Variants in CRHR1 observed in about 807,000 individuals in gnomAD.
The protein encoded by CRHR1 is corticotropin releasing hormone receptor 1.
Under a neutral mutation model 56.0 loss-of-function variants are expected in CRHR1, and 28 were observed. The ratio of observed to expected loss-of-function variants is 0.50; its 90% CI spans 0.37 to 0.69. CRHR1 has a LOEUF of 0.69. Among genes scored for constraint, CRHR1 ranks in the 30% least tolerant of loss-of-function variants. The pLI is 0.00. For missense variants in CRHR1, 376 were observed against 548.0 expected (o/e 0.69, Z 3.13); for synonymous variants, 195 against 216.5 (o/e 0.90, Z 0.87).
chr17:45,786,127 C>CTT (rs66781068), intron 1 of CRHR1, among the ~76,000 whole-genome samples: 23,340 of 145,444 alleles, frequency 0.16, 2,210 homozygotes, highest in Middle Eastern at 0.23. Context: ...GTTTTCTTTT[C>CTT]TTTTTTTTTT....
intron 2 of CRHR1, among the ~76,000 whole-genome samples, chr17:45,809,270 G>T (rs530046462): frequency 2.6e-5 from 4 of 152,298 alleles, no homozygotes; most frequent in Admixed American, 2.6e-4. Flanking sequence ...GCTGTGCTTG[G>T]GGAATGGGGA....
chr17:45,829,754 T>C, intron 5 of CRHR1: 1 of 1,114,976 alleles, frequency 9.0e-7, no homozygotes, highest in Admixed American at 2.3e-5. Flanking sequence ...GGAGCAGGGC[T>C]GACCCCTGTG....
intron 4 of CRHR1, among the ~76,000 whole-genome samples, chr17:45,824,411 G>A (rs1003557018): frequency 4.6e-5 from 7 of 152,224 alleles, no homozygotes; most frequent in East Asian, 1.9e-4. Flanking sequence ...GGGTCAGCGC[G>A]GGGTCTTCGT....
chr17:45,829,421 C>A, intron 5 of CRHR1, 100 bp downstream of exon 5: 1 of 1,359,012 alleles, frequency 7.4e-7, no homozygotes, highest in Non-Finnish European at 1.0e-6. Context: ...GTGGGGGTTG[C>A]TGGGAGAGGG....
In CRHR1 at chr17:45,829,262, G is replaced by A; in HGVS notation, c.375G>A (p.Leu125=). 1 of 1,614,106 alleles carries A rather than the reference G, an allele frequency of 6.2e-7. No homozygotes were observed. Among genetic ancestry groups the A allele is most frequent in the Non-Finnish European group, 8.5e-7 (1 of 1,180,038 alleles). ...ATGTCGCAGTCATCATCAACTACCT[G>A]GGCCACTGTATCTCCCTGGTGGCCC... ...HYHVAVIINY[L]GHCISLVALL... is the part of the protein sequence containing the mutation. The change falls in exon 5 of 13, where the codon CTG becomes CTA. Residue 125 remains leucine (L), a synonymous_variant. Transcript: ENST00000314537.
At position 45,835,534 on chromosome 17, in the gene CRHR1, G is replaced by A. The variant is rs2062419537; in HGVS notation, c.*770G>A. The A allele has an allele frequency of 6.6e-6, 1 of 152,618 alleles. No individual in the cohort carries two copies. Among genetic ancestry groups the A allele is most frequent in the Non-Finnish European group, 1.5e-5 (1 of 68,274 alleles). The allele number at this position is 152,618 out of a possible 1,614,324, so 9.5% of individuals were successfully genotyped here. A position where few individuals can be genotyped will look rare whatever the true frequency, so the allele number is the denominator to read the frequency against. ...GGCTGGAGGGGGCAGAGTGGCCTGT[G>A]AGCAAGAGCCAGGGGTGTCCCAGTC... On this transcript the variant is annotated 3_prime_UTR_variant, in exon 13 of 13. Coordinates refer to ENST00000314537, the MANE Select transcript of CRHR1 (RefSeq NM_004382.5).
chr17:45,802,615 G>C (rs1402193531), intron 1 of CRHR1, among the ~76,000 whole-genome samples: 1 of 152,212 alleles, frequency 6.6e-6, no homozygotes, highest in Non-Finnish European at 1.5e-5. Flanking sequence ...TTCTGCTACA[G>C]AGCAGACCTT....
At chr17:45,791,053 C>T (rs934405891) in intron 1 of CRHR1, among the ~76,000 whole-genome samples, 1 of 152,220 alleles carries the variant, frequency 6.6e-6, no homozygotes, top group Non-Finnish European at 1.5e-5. Flanking sequence ...AGTGCCCTCC[C>T]TCTGTGATCC....
chr17:45,796,838 G>A lies in CRHR1; in HGVS notation c.34-10172G>A, dbSNP rs547607165. Reference sequence around the variant, plus strand: ...AGGGAAGACTGAGAAAGGTAGAGTGGTTAAGACAGGGAGAGAGCAAGATGG... The same window carrying A: ...AGGGAAGACTGAGAAAGGTAGAGTGATTAAGACAGGGAGAGAGCAAGATGG... On this transcript the variant is annotated intron_variant, in intron 1 of 12. Transcript: ENST00000314537. Among the ~76,000 whole-genome samples, 137 of 152,288 alleles carry A rather than the reference G, an allele frequency of 9.0e-4. 1 individual carries two copies. Among genetic ancestry groups the A allele is most frequent in the African/African-American group, 3.0e-3 (124 of 41,564 alleles).
rs145774166 is a variant in CRHR1, at chr17:45,829,305, C to T, written c.418C>T (p.Leu140Phe). The T allele has an allele frequency of 8.1e-6, 13 of 1,613,854 alleles. No individual in the cohort carries two copies. The highest frequency in any genetic ancestry group is 3.3e-4 in the Middle Eastern group (2 of 6,060). Residue 140 changes from leucine (L) to phenylalanine (F), a missense_variant, in exon 5 of 13, where the codon CTC becomes TTC. By Grantham distance (22) the Leu-to-Phe change is conservative. This residue lies in a region of CRHR1 where 369 missense variants were observed against 519.5 expected (regional missense o/e 0.71). Coordinates refer to ENST00000314537, the MANE Select transcript of CRHR1 (RefSeq NM_004382.5). Reference sequence around the variant, plus strand: ...GGTGGCCCTCCTGGTGGCCTTTGTCCTCTTTCTGCGGCTCAGGTGAGAAGA... The same window carrying T: ...GGTGGCCCTCCTGGTGGCCTTTGTCTTCTTTCTGCGGCTCAGGTGAGAAGA... The part of the protein sequence containing the change: ...SLVALLVAFV[L>F]FLRLRSIRCL...
chr17:45,824,000 C>T (rs1329902649), intron 4 of CRHR1, among the ~76,000 whole-genome samples: 1 of 152,196 alleles, frequency 6.6e-6, no homozygotes, highest in Non-Finnish European at 1.5e-5. Context: ...CTGATCTGAG[C>T]AGGGAAAGCC....
chr17:45,814,740 C>T (rs1243977833), intron 2 of CRHR1, among the ~76,000 whole-genome samples: 1 of 152,250 alleles, frequency 6.6e-6, no homozygotes, highest in Admixed American at 6.5e-5. Flanking sequence ...CTTCCTCACT[C>T]CACTGCTTCC....
chr17:45,816,451 C>A lies in CRHR1; in HGVS notation c.122-12C>A. The A allele has an allele frequency of 6.2e-7, 1 of 1,613,868 alleles. No homozygotes were observed. On this transcript the variant is annotated splice_polypyrimidine_tract_variant and intron_variant, in intron 2 of 12. Transcript: ENST00000314537. ...TATCTTGCTGTGCCTTACCAGCCGTCTCTGCCCCCAGGACTGCAGTGCAAC... is the reference window on the plus strand; with the variant it reads ...TATCTTGCTGTGCCTTACCAGCCGTATCTGCCCCCAGGACTGCAGTGCAAC...
intron 2 of CRHR1, among the ~76,000 whole-genome samples, chr17:45,811,421 T>C (rs879931933): frequency 6.6e-6 from 1 of 152,244 alleles, no homozygotes; most frequent in Non-Finnish European, 1.5e-5. Flanking sequence ...GCATTTGTTC[T>C]GTGCATGTAT....
chr17:45,814,972 A>G (rs1178421521), intron 2 of CRHR1, among the ~76,000 whole-genome samples: 2 of 152,270 alleles, frequency 1.3e-5, no homozygotes, highest in Non-Finnish European at 2.9e-5. Context: ...AAAAACCAGC[A>G]TTTGGTACAA....
At position 45,830,409 on chromosome 17, in the gene CRHR1, G is replaced by A; in HGVS notation, c.556-8G>A. On this transcript the variant is annotated splice_region_variant and splice_polypyrimidine_tract_variant and intron_variant, in intron 6 of 12. Coordinates refer to ENST00000314537, the MANE Select transcript of CRHR1 (RefSeq NM_004382.5). ...CATCATCATCTCTGGTTGGGGGTGG[G>A]GTGGCAGGGCTGGTGCAGGTTGGTG... is the stretch of plus-strand genomic sequence containing the variant. The A allele has an allele frequency of 6.2e-7, 1 of 1,600,718 alleles. No homozygotes were observed. The highest frequency in any genetic ancestry group is 8.5e-7 in the Non-Finnish European group (1 of 1,172,364).
intron 2 of CRHR1, among the ~76,000 whole-genome samples, chr17:45,807,311 A>C (rs1568044046): frequency 6.6e-6 from 1 of 152,178 alleles, no homozygotes; most frequent in Admixed American, 6.5e-5. Context: ...GAAGAGCTGC[A>C]GTTGGTTAGT....
chr17:45,825,852 TG>T (rs2062151016), intron 4 of CRHR1: 1 of 152,210 alleles, frequency 6.6e-6, no homozygotes, highest in Admixed American at 6.5e-5. Context: ...TGGGCACCAG[TG>T]GGGAGCTTGG....
intron 3 of CRHR1, among the ~76,000 whole-genome samples, chr17:45,820,379 T>G (rs1234179615): frequency 6.6e-6 from 1 of 152,130 alleles, no homozygotes; most frequent in Non-Finnish European, 1.5e-5. Context: ...CAGCTAGGTT[T>G]TAGGACCCTG....
Sources: gnomAD v4.1 joint callset for allele counts (sites outside exome capture counted in the v4.1 genomes callset) on GRCh38, gnomAD v4.1.1 for gene constraint, gnomAD v4.1.1 regional missense constraint, MANE v1.5 for transcripts, NCBI Gene and HGNC (gene_info 2026-07-23, HGNC 2026-07-21) for gene names.